The following DST variants were observed in gnomAD, a reference collection of about 807,000 sequenced individuals.
The protein encoded by DST is dystonin.
Under a neutral mutation model 875.2 loss-of-function variants are expected in DST, and 253 were observed. The observed-to-expected ratio is 0.29, with a 90% CI of 0.26 to 0.32. The LOEUF (loss-of-function observed/expected upper bound fraction) is 0.32. Ranked by LOEUF, DST falls within the 10% of genes least tolerant of loss-of-function variation. The pLI, the probability that DST is intolerant of heterozygous loss-of-function variation, is 1.00. For missense variants in DST, 8,287 were observed against 9,111.6 expected (o/e 0.91, Z 3.68); for synonymous variants, 3,124 against 3,197.1 (o/e 0.98, Z 0.77).
chr6:56,635,208 T>G (rs184639706), intron 24 of DST, among the ~76,000 whole-genome samples: 1 of 152,360 alleles, frequency 6.6e-6, no homozygotes, highest in Admixed American at 6.5e-5. Context: ...GTTTATTGTC[T>G]AACTCCCTCT....
intron 3 of DST, among the ~76,000 whole-genome samples, chr6:56,892,261 C>T (rs905338098): frequency 6.6e-6 from 1 of 151,576 alleles, no homozygotes; most frequent in Non-Finnish European, 1.5e-5. Flanking sequence ...AGTCAGTTCT[C>T]AGCACTTTTG....
chr6:56,953,551 T>C (rs577885238), intron 2 of DST, among the ~76,000 whole-genome samples: 1 of 152,200 alleles, frequency 6.6e-6, no homozygotes, highest in Non-Finnish European at 1.5e-5. Context: ...GCAGCACTTT[T>C]AGGGTTTGCC....
intron 3 of DST, chr6:56,851,902 G>T: frequency 6.5e-7 from 1 of 1,546,782 alleles, no homozygotes; most frequent in South Asian, 1.2e-5. Flanking sequence ...GCTCACAAAT[G>T]ACTGGCCCAA....
In DST at chr6:56,701,908, CA is replaced by C; in HGVS notation, c.933del (p.Asp312ThrfsTer3). On this transcript the variant is annotated frameshift_variant, in exon 8 of 104. Coordinates refer to ENST00000680361, the MANE Select transcript of DST (RefSeq NM_001374736.1). LOFTEE classifies it high-confidence loss of function. The stretch of plus-strand genomic sequence containing the variant: ...CATACCTGGCGTCTTTTCAAATAGT[CA>C]AGTGCAATTTGTACATTCTGTAGTC... Reference protein sequence around the residue: ...FHRLQNVQIALDYLKRRQVKL... With the variant: ...FHRLQNVQIAXDYLKRRQVKL... The C allele has an allele frequency of 6.2e-7, 1 of 1,609,982 alleles. No individual in the cohort carries two copies. The highest frequency in any genetic ancestry group is 8.5e-7 in the Non-Finnish European group (1 of 1,177,160).
intron 49 of DST, among the ~76,000 whole-genome samples, chr6:56,581,838 G>C (rs2098006119): frequency 6.6e-6 from 1 of 152,120 alleles, no homozygotes; most frequent in African/African-American, 2.4e-5. Flanking sequence ...ACTCAAAAAA[G>C]CTGAATCTGA....
chr6:56,814,667 C>T (rs2099764494), intron 4 of DST, among the ~76,000 whole-genome samples: 1 of 152,152 alleles, frequency 6.6e-6, no homozygotes, highest in South Asian at 2.1e-4. Context: ...CGCCACAGAA[C>T]TATTAAAAGC....
chr6:56,572,889 T>C lies in DST; in HGVS notation c.13412A>G (p.Lys4471Arg), dbSNP rs1324195039. 1.2e-6 allele frequency: 2 copies of C among 1,613,512 alleles called. No individual in the cohort carries two copies. The highest frequency in any genetic ancestry group is 8.5e-7 in the Non-Finnish European group (1 of 1,179,726). The change falls in exon 52 of 104, where the codon AAA (lysine) becomes AGA (arginine). Residue 4471 changes from lysine (K) to arginine (R), a missense_variant. By Grantham distance (26) the Lys-to-Arg change is conservative. Coordinates refer to ENST00000680361, the MANE Select transcript of DST (RefSeq NM_001374736.1). ...ASHKHKETLA[K>R]MEELKTKVEL... ...TACTTTGGTTTTTAGCTCCTCCATTTTGGCAAGAGTTTCTTTGTGTTTATG... is the reference window on the plus strand; with the variant it reads ...TACTTTGGTTTTTAGCTCCTCCATTCTGGCAAGAGTTTCTTTGTGTTTATG...
chr6:56,607,871 C>T lies in DST; in HGVS notation c.6757G>A (p.Val2253Ile). 1.9e-6 allele frequency: 3 copies of T among 1,613,636 alleles called. No homozygotes were observed. Among genetic ancestry groups the T allele is most frequent in the Non-Finnish European group, 1.7e-6 (2 of 1,179,722 alleles). ...GNTAIKECLD[V>I]LSSSGVFLNN... Reference sequence around the variant, plus strand: ...AGAAATACACCAGATGAGCTTAAGACATCGAGACATTCTTTTATGGCTGTG... The same window carrying T: ...AGAAATACACCAGATGAGCTTAAGATATCGAGACATTCTTTTATGGCTGTG... Residue 2253 changes from valine (V) to isoleucine (I), a missense_variant, in exon 40 of 104, where the codon GTC becomes ATC. Physicochemically the swap from Val to Ile is conservative, Grantham distance 29 (BLOSUM62 3). This residue lies in a region of DST where 3,138 missense variants were observed against 3,116.6 expected (regional missense o/e 1.01). Transcript: ENST00000680361.
intron 4 of DST, among the ~76,000 whole-genome samples, chr6:56,748,736 C>A (rs2099579343): frequency 6.6e-6 from 1 of 152,068 alleles, no homozygotes; most frequent in South Asian, 2.1e-4. Flanking sequence ...CATAACCTAG[C>A]CCAAGATTTC....
At chr6:56,592,538 G>A (rs1452894795) in intron 48 of DST, among the ~76,000 whole-genome samples, 180 bp from the exon 49 acceptor site, 1 of 152,040 alleles carries the variant, frequency 6.6e-6, no homozygotes, top group Non-Finnish European at 1.5e-5. Flanking sequence ...CCTATAAGAA[G>A]CCAAAAAGTA....
intron 2 of DST, among the ~76,000 whole-genome samples, chr6:56,921,125 T>C (rs1240745955): frequency 6.6e-6 from 1 of 152,078 alleles, no homozygotes; most frequent in African/African-American, 2.4e-5. Flanking sequence ...ACTGCTCTTT[T>C]AAATTTCTGG....
rs369835193 is a variant in DST at position 56,552,469 on chromosome 6, A to G, written c.16323T>C (p.Asn5441=). ...KLEALMASND[N]ANKTCKMMLA... is the part of the protein sequence containing the mutation. ...ACATCATCTTGCAGGTTTTATTGGC[A>G]TTGTCATTGCTTGCCATGAGGGCTT... is the stretch of plus-strand genomic sequence containing the variant. The change falls in exon 61 of 104, where the codon AAT becomes AAC. Residue 5441 remains asparagine, a synonymous_variant. Coordinates refer to ENST00000680361, the MANE Select transcript of DST (RefSeq NM_001374736.1). The G allele has an allele frequency of 3.8e-4, 617 of 1,613,930 alleles. 9 individuals carry two copies. In the South Asian group the frequency reaches 6.5e-3, roughly 17 times the overall value.
intron 4 of DST, among the ~76,000 whole-genome samples, chr6:56,803,552 T>C (rs1243492248): frequency 6.6e-6 from 1 of 152,156 alleles, no homozygotes; most frequent in Non-Finnish European, 1.5e-5. Context: ...TTTCACGCAA[T>C]CATTTTCTGC....
intron 3 of DST, among the ~76,000 whole-genome samples, chr6:56,885,306 G>A (rs183516885): frequency 2.0e-4 from 31 of 152,240 alleles, no homozygotes; most frequent in Middle Eastern, 3.4e-3. Context: ...CTAACTCTGC[G>A]TACAATTCAT....
intron 2 of DST, among the ~76,000 whole-genome samples, chr6:56,920,935 G>A (rs1803892679): frequency 7.8e-6 from 1 of 127,802 alleles, no homozygotes; most frequent in Non-Finnish European, 1.7e-5. Flanking sequence ...ACAGAGACAG[G>A]GTTTCCCTAC....
intron 47 of DST, among the ~76,000 whole-genome samples, chr6:56,596,547 T>G (rs1228847196): frequency 6.6e-6 from 1 of 152,228 alleles, no homozygotes; most frequent in African/African-American, 2.4e-5. Flanking sequence ...ACTAGATTTT[T>G]CATTTTAAGA....
intron 4 of DST, among the ~76,000 whole-genome samples, chr6:56,765,282 A>G (rs1193400368): frequency 6.6e-6 from 1 of 152,220 alleles, no homozygotes; most frequent in Admixed American, 6.5e-5. Flanking sequence ...GACCTTCTTT[A>G]CTAGTTTCTG....
At position 56,630,354 on chromosome 6, in the gene DST, T is replaced by C. The variant is rs762195921; in HGVS notation, c.4172A>G (p.Asn1391Ser). 3 of 1,612,788 alleles carry C rather than the reference T, an allele frequency of 1.9e-6. No individual in the cohort carries two copies. In the Admixed American group the frequency reaches 5.0e-5, roughly 27 times the overall value. Residue 1391 changes from asparagine (N) to serine (S), a missense_variant, in exon 31 of 104, where the codon AAC (asparagine) becomes AGC (serine). Transcript: ENST00000680361. ...TACGAGGGCTTCTGCAGCTTGAGTG[T>C]TTTTTAACACCAAGTTAACAGTTTT... ...KLKTVNLVLK[N>S]TQAAEALVKL... is the part of the protein sequence containing the mutation.
At chr6:56,571,853 GT>G (rs2097786337) in intron 53 of DST, among the ~76,000 whole-genome samples, 2 of 152,056 alleles carry the variant, frequency 1.3e-5, no homozygotes, top group Admixed American at 1.3e-4. Flanking sequence ...CACCGCCATC[GT>G]TTTTCTTATG....
Sources: allele counts gnomAD v4.1 joint callset (sites outside exome capture counted in the v4.1 genomes callset), GRCh38; gene constraint gnomAD v4.1.1; regional missense constraint gnomAD v4.1.1; transcripts MANE v1.5; gene names NCBI Gene and HGNC (gene_info 2026-07-23, HGNC 2026-07-21).